FSTL4: variants seen among roughly 807,000 people sequenced by gnomAD.
FSTL4 encodes the protein follistatin-related protein 4.
FSTL4 carries 28 observed loss-of-function variants against 78.2 expected under a neutral mutation model. That is an observed-to-expected ratio of 0.36 (90% CI 0.27 to 0.49). FSTL4 has a LOEUF of 0.49. FSTL4 is among the 20% of genes least tolerant of loss of function. The probability of loss-of-function intolerance (pLI) is 0.98; values close to 1 mark genes in which losing one functional copy is unlikely to be tolerated. For synonymous variants in FSTL4, 422 were observed against 440.5 expected (o/e 0.96, Z 0.53); for missense variants, 922 against 1,084.9 (o/e 0.85, Z 2.11).
chr5:133,482,140 A>C (rs1758040139), intron 3 of FSTL4, among the ~76,000 whole-genome samples: 1 of 152,268 alleles, frequency 6.6e-6, no homozygotes, highest in South Asian at 2.1e-4. Flanking sequence ...TGGAATCCCA[A>C]GACTGTTGAT....
intron 6 of FSTL4, among the ~76,000 whole-genome samples, chr5:133,276,469 T>C (rs1490239522): frequency 6.6e-6 from 1 of 152,178 alleles, no homozygotes. Flanking sequence ...TCTTGAAAAG[T>C]GTCCCTGACC....
At chr5:133,613,222 C>T (rs1761141322), upstream of FSTL4, among the ~76,000 whole-genome samples, 1 of 152,220 alleles carries the variant, frequency 6.6e-6, no homozygotes, top group African/African-American at 2.4e-5. Flanking sequence ...TGAGATCAGT[C>T]TTCCTTCCCG....
chr5:133,815,866 A>G, the FSTL4 span, among the ~76,000 whole-genome samples: 1 of 152,174 alleles, frequency 6.6e-6, no homozygotes, highest in Non-Finnish European at 1.5e-5. Flanking sequence ...CAGGGCCCCA[A>G]AAGGAAGTCC....
rs779840662 is a variant in FSTL4 at position 133,249,556 on chromosome 5, C to T, written c.748G>A (p.Ala250Thr). 53 of 1,612,122 alleles carry T rather than the reference C, an allele frequency of 3.3e-5. No homozygotes were observed. Among genetic ancestry groups the T allele is most frequent in the East Asian group, 2.5e-4 (11 of 44,852 alleles). ...GTCACACTGACCCTGTCCTCGGGGG[C>T]GAGGCTGAGCTGAACCACTTCTGCA... ...MAFQVVQLSLAPEDRVSVTTV... is the reference protein window; with the variant it reads ...MAFQVVQLSLTPEDRVSVTTV... Residue 250 changes from alanine (A) to threonine (T), a missense_variant, in exon 7 of 16, where the codon GCC (alanine) becomes ACC (threonine). By Grantham distance (58) the Ala-to-Thr change is moderately conservative. Coordinates refer to ENST00000265342, the MANE Select transcript of FSTL4 (RefSeq NM_015082.2).
At chr5:133,207,235 ATCAC>A (rs1480419123) in intron 14 of FSTL4, among the ~76,000 whole-genome samples, 2 of 152,194 alleles carry the variant, frequency 1.3e-5, no homozygotes, top group African/African-American at 4.8e-5. Context: ...TTCTATGTTA[ATCAC>A]TCTTGTTTTA....
upstream of FSTL4, among the ~76,000 whole-genome samples, chr5:133,615,788 C>G (rs4501381): frequency 2.0e-5 from 3 of 152,126 alleles, no homozygotes; most frequent in African/African-American, 7.2e-5. Context: ...AGAAAAGTAG[C>G]TAGCATGGAG....
chr5:133,498,733 G>T (rs1580747783), intron 3 of FSTL4, among the ~76,000 whole-genome samples: 1 of 148,384 alleles, frequency 6.7e-6, no homozygotes, highest in Non-Finnish European at 1.5e-5. Context: ...AAAAAAAAAG[G>T]ATCATGCCTT....
intron 6 of FSTL4, among the ~76,000 whole-genome samples, chr5:133,284,037 C>G (rs926026869): frequency 6.6e-6 from 1 of 152,208 alleles, no homozygotes; most frequent in East Asian, 1.9e-4. Flanking sequence ...GATCCAATCA[C>G]CTCCCATCAG....
intron 3 of FSTL4, among the ~76,000 whole-genome samples, chr5:133,422,977 C>T (rs1043747336): frequency 2.0e-5 from 3 of 151,704 alleles, no homozygotes; most frequent in African/African-American, 7.2e-5. Flanking sequence ...ATGAATGAGG[C>T]TTTCTGTCTT....
the FSTL4 span, among the ~76,000 whole-genome samples, chr5:133,834,341 G>T: frequency 6.6e-6 from 1 of 151,780 alleles, no homozygotes; most frequent in African/African-American, 2.4e-5. Flanking sequence ...GCACAAGACA[G>T]GTAACACAAC....
At chr5:133,632,085 A>G in the FSTL4 span, among the ~76,000 whole-genome samples, 2 of 152,192 alleles carry the variant, frequency 1.3e-5, no homozygotes, top group Non-Finnish European at 2.9e-5. Context: ...ACCATGGCAC[A>G]TGTATACCTA....
chr5:133,498,936 G>A (rs980642449), intron 3 of FSTL4, among the ~76,000 whole-genome samples: 7 of 151,902 alleles, frequency 4.6e-5, no homozygotes, highest in Non-Finnish European at 7.4e-5. Flanking sequence ...TGTCCTCAGG[G>A]AGGCTCTTGG....
chr5:133,573,664 C>A (rs560304387), intron 2 of FSTL4, among the ~76,000 whole-genome samples: 4 of 152,134 alleles, frequency 2.6e-5, no homozygotes, highest in African/African-American at 9.6e-5. Context: ...ACTGATAGAA[C>A]AAGTAGAGGA....
the FSTL4 span, among the ~76,000 whole-genome samples, chr5:133,661,182 G>T: frequency 6.6e-6 from 1 of 152,118 alleles, no homozygotes; most frequent in Non-Finnish European, 1.5e-5. Context: ...TAGAGATGGG[G>T]TTTCACCATG....
the FSTL4 span, among the ~76,000 whole-genome samples, chr5:133,783,289 C>A: frequency 6.6e-6 from 1 of 152,178 alleles, no homozygotes; most frequent in African/African-American, 2.4e-5. Flanking sequence ...CAACCAAACA[C>A]GATCCTGCTC....
chr5:133,628,187 C>T, the FSTL4 span, among the ~76,000 whole-genome samples: 1 of 152,108 alleles, frequency 6.6e-6, no homozygotes, highest in Admixed American at 6.6e-5. Flanking sequence ...GACACCCTAA[C>T]ATCACAATTA....
At chr5:133,669,892 C>A in the FSTL4 span, among the ~76,000 whole-genome samples, 1 of 152,154 alleles carries the variant, frequency 6.6e-6, no homozygotes, top group African/African-American at 2.4e-5. Context: ...TGCTCTCTAG[C>A]ATAAGAGTCA....
At chr5:133,664,992 G>A in the FSTL4 span, among the ~76,000 whole-genome samples, 14,431 of 152,132 alleles carry the variant, frequency 0.095, 831 homozygotes, top group South Asian at 0.17. Flanking sequence ...CTACCCAGCC[G>A]GAGCTAAGAA....
intron 4 of FSTL4, among the ~76,000 whole-genome samples, chr5:133,323,815 T>C (rs960020973): frequency 6.6e-6 from 1 of 152,262 alleles, no homozygotes; most frequent in Admixed American, 6.5e-5. Context: ...CCTATTTTCA[T>C]GTCAGAACTT....
Sources: allele counts gnomAD v4.1 joint callset (sites outside exome capture counted in the v4.1 genomes callset), GRCh38; gene constraint gnomAD v4.1.1; transcripts MANE v1.5; gene names NCBI Gene and HGNC (gene_info 2026-07-23, HGNC 2026-07-21).